Variants in FYN observed in about 807,000 individuals in gnomAD.
FYN encodes FYN proto-oncogene, Src family tyrosine kinase, also known as tyrosine-protein kinase Fyn.
A neutral mutation model predicts 70.2 loss-of-function variants in FYN; 10 were observed. The observed-to-expected ratio is 0.14, with a 90% CI of 0.09 to 0.24. The LOEUF is 0.24. Ranked by LOEUF, FYN falls within the 10% of genes least tolerant of loss-of-function variation. The probability of loss-of-function intolerance (pLI) is 1.00; values close to 1 mark genes in which losing one functional copy is unlikely to be tolerated. For missense variants in FYN, 319 were observed against 673.1 expected (o/e 0.47, Z 5.82); for synonymous variants, 236 against 248.6 (o/e 0.95, Z 0.48).
intron 3 of FYN, among the ~76,000 whole-genome samples, chr6:111,747,764 C>T (rs1802295187): frequency 6.6e-6 from 1 of 152,206 alleles, no homozygotes; most frequent in African/African-American, 2.4e-5. Flanking sequence ...TGGCAGGCTT[C>T]CTTTCCATTT....
intron 3 of FYN, among the ~76,000 whole-genome samples, chr6:111,732,754 C>T (rs1172756335): frequency 6.6e-6 from 1 of 152,198 alleles, no homozygotes; most frequent in African/African-American, 2.4e-5. Context: ...CTTCCTGCTT[C>T]CTGTGGGCTG....
At chr6:111,764,229 A>AAAAG (rs1359683222) in intron 3 of FYN, among the ~76,000 whole-genome samples, 1 of 114,052 alleles carries the variant, frequency 8.8e-6, no homozygotes, top group African/African-American at 4.7e-5. Flanking sequence ...AAAAAAAAAA[A>AAAAG]AAAGAAAAGA....
intron 3 of FYN, among the ~76,000 whole-genome samples, chr6:111,742,203 A>C (rs1802008030): frequency 6.6e-6 from 1 of 152,210 alleles, no homozygotes; most frequent in Non-Finnish European, 1.5e-5. Context: ...AGAGAGGTTA[A>C]GGAACTTCCC....
chr6:111,805,406 G>A (rs1772116127), intron 2 of FYN, among the ~76,000 whole-genome samples: 1 of 152,206 alleles, frequency 6.6e-6, no homozygotes, highest in South Asian at 2.1e-4. Flanking sequence ...GTTTATCTGA[G>A]ATACAAATTT....
intron 3 of FYN, among the ~76,000 whole-genome samples, chr6:111,776,200 T>C (rs1203324311): frequency 6.6e-6 from 1 of 152,122 alleles, no homozygotes; most frequent in Admixed American, 6.5e-5. Context: ...AGCAGATACC[T>C]ACCCTGGGTC....
intron 2 of FYN, among the ~76,000 whole-genome samples, chr6:111,809,541 G>A (rs1365582439): frequency 2.0e-5 from 3 of 152,140 alleles, no homozygotes; most frequent in Admixed American, 6.5e-5. Context: ...ATGTTAGGTG[G>A]CACTAACATC....
intron 3 of FYN, among the ~76,000 whole-genome samples, chr6:111,729,836 A>T (rs554399549): frequency 3.0e-4 from 46 of 152,332 alleles, no homozygotes; most frequent in African/African-American, 1.1e-3. Flanking sequence ...TGATAACACT[A>T]TGGGCAACTG....
At chr6:111,845,752 T>C (rs772289393) in intron 2 of FYN, among the ~76,000 whole-genome samples, 5 of 152,156 alleles carry the variant, frequency 3.3e-5, no homozygotes, top group Admixed American at 2.0e-4. Context: ...GGCAATGTGG[T>C]TGGGCAGAGT....
intron 2 of FYN, among the ~76,000 whole-genome samples, chr6:111,823,886 T>C (rs966429144): frequency 1.4e-4 from 21 of 152,142 alleles, no homozygotes; most frequent in African/African-American, 4.8e-4. Context: ...AGGAAAGAAG[T>C]TCCCATTTGT....
chr6:111,824,731 T>C (rs1278703058), intron 2 of FYN, among the ~76,000 whole-genome samples: 1 of 152,210 alleles, frequency 6.6e-6, no homozygotes, highest in Non-Finnish European at 1.5e-5. Flanking sequence ...TCTTATGCCT[T>C]CTTTCATTTT....
At position 111,704,051 on chromosome 6, in the gene FYN, G is replaced by C. The variant is rs774175278; in HGVS notation, c.495C>G (p.Ser165=). Residue 165 remains serine, a synonymous_variant, in exon 7 of 14, where the codon TCC becomes TCG. Transcript: ENST00000354650. ...GRKDAERQLL[S]FGNPRGTFLI... ...GAAAGGTACCTCTTGGGTTTCCAAA[G>C]GACAATAGCTGTCGCTCAGCATCTT... is the stretch of plus-strand genomic sequence containing the variant. 1.2e-6 allele frequency: 2 copies of C among 1,614,174 alleles called. No homozygotes were observed. Among genetic ancestry groups the C allele is most frequent in the East Asian group, 2.2e-5 (1 of 44,886 alleles).
At chr6:111,762,219 G>A (rs1315218923) in intron 3 of FYN, among the ~76,000 whole-genome samples, 2 of 152,122 alleles carry the variant, frequency 1.3e-5, no homozygotes, top group Non-Finnish European at 2.9e-5. Context: ...CCACAGCTGG[G>A]GGCCACCCTG....
intron 8 of FYN, 53 bp from the exon 9 acceptor site, chr6:111,700,321 A>C: frequency 6.3e-7 from 1 of 1,583,928 alleles, no homozygotes; most frequent in Admixed American, 1.7e-5. Context: ...AACACATGTA[A>C]TGACAACACT....
At chr6:111,714,751 C>T (rs1016263842) in intron 4 of FYN, among the ~76,000 whole-genome samples, 3 of 152,186 alleles carry the variant, frequency 2.0e-5, no homozygotes, top group East Asian at 1.9e-4. Flanking sequence ...AAAAGGGCAG[C>T]GTCAGCGTCA....
At chr6:111,778,480 A>G (rs896288947) in intron 3 of FYN, among the ~76,000 whole-genome samples, 3 of 152,046 alleles carry the variant, frequency 2.0e-5, no homozygotes, top group Admixed American at 1.3e-4. Context: ...TAATAGTTCA[A>G]TATAAGGACT....
intron 5 of FYN, among the ~76,000 whole-genome samples, 178 bp downstream of exon 5, chr6:111,714,169 A>G (rs972670443): frequency 2.0e-5 from 3 of 152,262 alleles, no homozygotes; most frequent in African/African-American, 7.2e-5. Context: ...ACACAGTGCC[A>G]TAAAATACTG....
At chr6:111,732,207 A>G (rs1801494215) in intron 3 of FYN, among the ~76,000 whole-genome samples, 1 of 152,242 alleles carries the variant, frequency 6.6e-6, no homozygotes, top group Non-Finnish European at 1.5e-5. Context: ...CATTCTGCGA[A>G]CACTACTGCT....
At chr6:111,851,841 G>T (rs1406995804) in intron 1 of FYN, among the ~76,000 whole-genome samples, 1 of 151,796 alleles carries the variant, frequency 6.6e-6, no homozygotes, top group African/African-American at 2.4e-5. Context: ...AACACTGCTT[G>T]GGCAGGCTGC....
At position 111,674,488 on chromosome 6, in the gene FYN, C is replaced by A; in HGVS notation, c.1405+11G>T. The stretch of plus-strand genomic sequence containing the variant: ...AATCTCAGGCCCATGTCTGTGAGGC[C>A]CTGCTCTTACCTGGGTATGGCACTC... On this transcript the variant is annotated intron_variant, in intron 13 of 13. Coordinates refer to ENST00000354650, the MANE Select transcript of FYN (RefSeq NM_002037.5). The A allele has an allele frequency of 1.2e-6, 2 of 1,608,420 alleles. No homozygotes were observed. The highest frequency in any genetic ancestry group is 8.5e-7 in the Non-Finnish European group (1 of 1,176,612).
Sources: gnomAD v4.1 joint callset for allele counts (sites outside exome capture counted in the v4.1 genomes callset) on GRCh38, gnomAD v4.1.1 for gene constraint, MANE v1.5 for transcripts, NCBI Gene and HGNC (gene_info 2026-07-23, HGNC 2026-07-21) for gene names.